B3GAT1: variants seen among roughly 807,000 people sequenced by gnomAD.
B3GAT1 encodes the protein galactosylgalactosylxylosylprotein 3-beta-glucuronosyltransferase 1.
B3GAT1 carries 11 observed loss-of-function variants against 28.4 expected under a neutral mutation model. The observed-to-expected ratio is 0.39, with a 90% CI of 0.24 to 0.64. B3GAT1 has a LOEUF of 0.64. Ranked by LOEUF, B3GAT1 falls within the 30% of genes least tolerant of loss-of-function variation. The probability of loss-of-function intolerance (pLI) is 0.50; values close to 1 mark genes in which losing one functional copy is unlikely to be tolerated. For synonymous variants in B3GAT1, 255 were observed against 223.1 expected, an observed-to-expected ratio of 1.14 and a Z score of -1.27; for missense variants, 375 against 491.0, an observed-to-expected ratio of 0.76 and a Z score of 2.23.
In B3GAT1 at chr11:134,412,026, C is replaced by T. The variant is rs1479789375; in HGVS notation, c.-501G>A. The stretch of plus-strand genomic sequence containing the variant: ...CCGCCCCGGCCCGGCTCGTTCTGGG[C>T]TCAGCGAGGCGGCGGCCGAAGGCTG... On this transcript the variant is annotated 5_prime_UTR_variant, in exon 1 of 6. Coordinates refer to ENST00000312527, the MANE Select transcript of B3GAT1 (RefSeq NM_054025.3). The T allele has an allele frequency of 6.9e-6, 1 of 144,370 alleles. No individual in the cohort carries two copies. The highest frequency in any genetic ancestry group is 2.1e-4 in the East Asian group (1 of 4,844). The allele number at this position is 144,370 out of a possible 1,614,324, so 8.9% of individuals were successfully genotyped here.
chr11:134,396,910 A>G (rs756255992), intron 1 of B3GAT1, among the ~76,000 whole-genome samples: 1 of 152,064 alleles, frequency 6.6e-6, no homozygotes. Context: ...GCGTCCTTTG[A>G]TTTCCCTTGG....
At chr11:134,404,722 G>A (rs967631212) in intron 1 of B3GAT1, among the ~76,000 whole-genome samples, 4 of 152,198 alleles carry the variant, frequency 2.6e-5, no homozygotes, top group Admixed American at 1.3e-4. Flanking sequence ...CAACCGCCTC[G>A]CTGTCCTCAG....
In B3GAT1 at chr11:134,392,544, T is replaced by C. The variant is rs61908690; in HGVS notation, c.-281-4604A>G. On this transcript the variant is annotated intron_variant, in intron 1 of 5. Transcript: ENST00000312527. ...GCCACCATGTCCAGCTAATTTAAAATTCTTTTTTGTAGAGACAGGGTGTCA... is the reference window on the plus strand; with the variant it reads ...GCCACCATGTCCAGCTAATTTAAAACTCTTTTTTGTAGAGACAGGGTGTCA... Among the ~76,000 whole-genome samples, 844 of 152,286 alleles carry C rather than the reference T, an allele frequency of 5.5e-3. 5 individuals carry two copies. Among genetic ancestry groups the C allele is most frequent in the Middle Eastern group, 0.01 (3 of 294 alleles).
At chr11:134,388,275 T>C (rs769295483) in intron 1 of B3GAT1, 12 of 223,424 alleles carry the variant, frequency 5.4e-5, no homozygotes, top group African/African-American at 2.0e-4. Context: ...ATGCCACAGT[T>C]TTCCCATCTA....
rs1944168008 is a variant in B3GAT1, at chr11:134,382,925, C to T, written c.703G>A (p.Ala235Thr). Reference protein sequence around the residue: ...LRYEAPRVNGAGKVVGWKTVF... With the variant: ...LRYEAPRVNGTGKVVGWKTVF... ...GTCTTCCAGCCGACCACCTTCCCTG[C>T]CCCGTTCACCCGTGGGGCCTCGTAC... The change falls in exon 4 of 6, where the codon GCA (alanine) becomes ACA (threonine). Residue 235 changes from alanine to threonine, a missense_variant. Transcript: ENST00000312527. 6.2e-7 allele frequency: 1 copy of T among 1,611,614 alleles called. No homozygotes were observed. Among genetic ancestry groups the T allele is most frequent in the South Asian group, 1.1e-5 (1 of 90,562 alleles).
intron 1 of B3GAT1, chr11:134,389,631 G>C (rs980488808): frequency 1.3e-4 from 20 of 152,616 alleles, no homozygotes; most frequent in African/African-American, 4.8e-4. Flanking sequence ...GTGGTGGGGA[G>C]GGCAGGCAGC....
At position 134,387,779 on chromosome 11, in the gene B3GAT1, CA is replaced by C; in HGVS notation, c.-121del. On this transcript the variant is annotated 5_prime_UTR_variant, in exon 2 of 6. It removes the in-frame stop codon of an upstream open reading frame in the 5' UTR. Coordinates refer to ENST00000312527, the MANE Select transcript of B3GAT1 (RefSeq NM_054025.3). Reference sequence around the variant, plus strand: ...AAGAACAGGCATGGGCCGGGCCGGCCAGGCATGGAGAGGACAGAGCAGCTGA... The same window carrying C: ...AAGAACAGGCATGGGCCGGGCCGGCCGGCATGGAGAGGACAGAGCAGCTGA... The C allele has an allele frequency of 7.8e-6, 12 of 1,544,994 alleles. No individual in the cohort carries two copies. The South Asian group carries it at 1.3e-4, about 17-fold the overall frequency.
chr11:134,387,294 G>C, intron 2 of B3GAT1: 1 of 486,908 alleles, frequency 2.1e-6, no homozygotes, highest in East Asian at 3.6e-5. Flanking sequence ...TGGGTGCTGA[G>C]AGTAACAAGC....
chr11:134,382,003 T>C lies in B3GAT1; in HGVS notation c.940A>G (p.Thr314Ala), dbSNP rs1022381991. 3 of 1,614,012 alleles carry C rather than the reference T, an allele frequency of 1.9e-6. No individual in the cohort carries two copies. The highest frequency in any genetic ancestry group is 1.7e-6 in the Non-Finnish European group (2 of 1,180,040). ...CTKILVWHTR[T>A]EKPVLVNEGK... is the part of the protein sequence containing the mutation. ...TCATTCACCAGCACTGGCTTCTCTG[T>C]CCGTGTGTGCCACACCAGGATCTGT... Residue 314 changes from threonine to alanine, a missense_variant, in exon 5 of 6, where the codon ACA (threonine) becomes GCA (alanine). By Grantham distance (58) the Thr-to-Ala change is moderately conservative. Coordinates refer to ENST00000312527, the MANE Select transcript of B3GAT1 (RefSeq NM_054025.3).
At chr11:134,403,711 A>C (rs977050257) in intron 1 of B3GAT1, among the ~76,000 whole-genome samples, 2 of 152,102 alleles carry the variant, frequency 1.3e-5, no homozygotes, top group Non-Finnish European at 2.9e-5. Context: ...GGATAAAGAA[A>C]ATAAAGAAAA....
intron 2 of B3GAT1, chr11:134,385,615 A>C (rs964508271): frequency 3.3e-5 from 5 of 151,762 alleles, no homozygotes; most frequent in Non-Finnish European, 7.3e-5. Flanking sequence ...ATGGGCAGTC[A>C]AGTTTTGGAA....
Position 134,403,979 on chromosome 11 carries a change from TTCTTTATA to T in B3GAT1, c.-282+7820_-282+7827del, listed in dbSNP as rs1394726287. ...GTCATTTAACGGGTACAGAGTTTCT[TTCTTTATA>T]TATATATATATATATATATATATAT... On this transcript the variant is annotated intron_variant, in intron 1 of 5. Coordinates refer to ENST00000312527, the MANE Select transcript of B3GAT1 (RefSeq NM_054025.3). Among the ~76,000 whole-genome samples, 450 of 96,958 alleles carry T rather than the reference TTCTTTATA, an allele frequency of 4.6e-3. 21 individuals are homozygous for T. The highest frequency in any genetic ancestry group is 0.017 in the African/African-American group (419 of 24,050). The allele number at this position is 96,958 out of a possible 152,430, so 63.6% of individuals were successfully genotyped here. A position where few individuals can be genotyped will look rare whatever the true frequency, so the allele number is the denominator to read the frequency against.
rs80240492 is a variant in B3GAT1 at position 134,395,646 on chromosome 11, C to T, written c.-281-7706G>A. ...GAGAAGTCTGGTATTGAAAGGTCCTCGCTCCCCAACCTCCTTTGCCCTCCT... is the reference window on the plus strand; with the variant it reads ...GAGAAGTCTGGTATTGAAAGGTCCTTGCTCCCCAACCTCCTTTGCCCTCCT... On this transcript the variant is annotated intron_variant, in intron 1 of 5. Transcript: ENST00000312527. 2.1e-3 allele frequency among the ~76,000 whole-genome samples: 327 copies of T among 152,178 alleles called. 4 individuals carry two copies. The highest frequency in any genetic ancestry group is 7.2e-3 in the African/African-American group (300 of 41,510).
chr11:134,383,015 G>C lies in B3GAT1; in HGVS notation c.622-9C>G, dbSNP rs535028435. The C allele has an allele frequency of 2.7e-5, 42 of 1,540,210 alleles. No individual in the cohort carries two copies. The highest frequency in any genetic ancestry group is 9.6e-5 in the South Asian group (8 of 83,692). Reference sequence around the variant, plus strand: ...CTCCTGGTGCTGCGCATCTACAAGGGGGGGGTCCAGAGTCAGGGCGCCGGC... The same window carrying C: ...CTCCTGGTGCTGCGCATCTACAAGGCGGGGGTCCAGAGTCAGGGCGCCGGC... On this transcript the variant is annotated splice_polypyrimidine_tract_variant and intron_variant, in intron 3 of 5. Coordinates refer to ENST00000312527, the MANE Select transcript of B3GAT1 (RefSeq NM_054025.3).
intron 5 of B3GAT1, chr11:134,381,591 G>C (rs1294663687): frequency 1.1e-5 from 3 of 267,182 alleles, no homozygotes; most frequent in Non-Finnish European, 2.2e-5. Context: ...CAGACTTGGG[G>C]GGACAGACGC....
chr11:134,407,153 G>GC (rs1332394132), intron 1 of B3GAT1, among the ~76,000 whole-genome samples: 3 of 152,350 alleles, frequency 2.0e-5, no homozygotes, highest in South Asian at 2.1e-4. Flanking sequence ...GACGGATGCA[G>GC]CCCCCCATGC....
chr11:134,396,883 G>A (rs913691947), intron 1 of B3GAT1, among the ~76,000 whole-genome samples: 4 of 152,192 alleles, frequency 2.6e-5, no homozygotes, highest in African/African-American at 9.6e-5. Context: ...GAAAACACCA[G>A]CACGAGGCCC....
rs1944136709 is a variant in B3GAT1, at chr11:134,382,016, C to T, written c.927G>A (p.Val309=). The stretch of plus-strand genomic sequence containing the variant: ...CTGGCTTCTCTGTCCGTGTGTGCCA[C>T]ACCAGGATCTGTGTGCCCAGAGATG... ...PKAANCTKIL[V]WHTRTEKPVL... Residue 309 remains valine (V), a synonymous_variant, in exon 5 of 6, where the codon GTG becomes GTA. Coordinates refer to ENST00000312527, the MANE Select transcript of B3GAT1 (RefSeq NM_054025.3). The T allele has an allele frequency of 2.5e-6, 4 of 1,614,122 alleles. No homozygotes were observed. The highest frequency in any genetic ancestry group is 8.5e-7 in the Non-Finnish European group (1 of 1,180,040).
chr11:134,397,533 C>T (rs906857277), intron 1 of B3GAT1, among the ~76,000 whole-genome samples: 16 of 151,940 alleles, frequency 1.1e-4, no homozygotes, highest in African/African-American at 3.9e-4. Context: ...CCCAGAGCCA[C>T]AGGGGGGGCC....
Sources: gnomAD v4.1 joint callset for allele counts (sites outside exome capture counted in the v4.1 genomes callset) on GRCh38, gnomAD v4.1.1 for gene constraint, MANE v1.5 for transcripts, NCBI Gene and HGNC (gene_info 2026-07-23, HGNC 2026-07-21) for gene names.